The following PTPRM variants were observed in gnomAD, a reference collection of about 807,000 sequenced individuals.
The protein encoded by PTPRM is receptor-type tyrosine-protein phosphatase mu.
PTPRM carries 47 observed loss-of-function variants against 186.7 expected under a neutral mutation model. The observed-to-expected ratio is 0.25, with a 90% CI of 0.20 to 0.32. The LOEUF is 0.32. Among genes scored for constraint, PTPRM ranks in the 10% least tolerant of loss-of-function variants. PTPRM has a pLI of 1.00. For missense variants in PTPRM, 1,494 were observed against 1,865.0 expected, an observed-to-expected ratio of 0.80 and a Z score of 3.66; for synonymous variants, 668 against 674.9, an observed-to-expected ratio of 0.99 and a Z score of 0.16.
chr18:7,688,599 G>C (rs1007157557), intron 1 of PTPRM, among the ~76,000 whole-genome samples: 1 of 152,170 alleles, frequency 6.6e-6, no homozygotes, highest in Non-Finnish European at 1.5e-5. Flanking sequence ...GCATGTGATG[G>C]GGAGAGAAGA....
intron 32 of PTPRM, chr18:8,399,677 T>A (rs955115691): frequency 1.3e-5 from 2 of 152,158 alleles, no homozygotes; most frequent in African/African-American, 4.8e-5. Context: ...GTCTAGCGTT[T>A]CGTCATTCGT....
At chr18:7,824,393 G>C (rs2045371338) in intron 2 of PTPRM, among the ~76,000 whole-genome samples, 1 of 152,124 alleles carries the variant, frequency 6.6e-6, no homozygotes, top group Admixed American at 6.5e-5. Context: ...GGCAGCCCAA[G>C]AGCAGGTGGA....
At chr18:7,865,997 G>A (rs754074056) in intron 2 of PTPRM, among the ~76,000 whole-genome samples, 15 of 152,044 alleles carry the variant, frequency 9.9e-5, no homozygotes, top group Non-Finnish European at 1.5e-4. Flanking sequence ...ATTCTCTGAT[G>A]GTAGTTTGTA....
At chr18:7,753,447 C>T (rs1598515392) in intron 1 of PTPRM, among the ~76,000 whole-genome samples, 1 of 152,280 alleles carries the variant, frequency 6.6e-6, no homozygotes, top group East Asian at 1.9e-4. Context: ...TAGTTACTAT[C>T]ATTAGCTTGC....
intron 14 of PTPRM, among the ~76,000 whole-genome samples, chr18:8,150,671 A>G (rs762812080): frequency 8.6e-5 from 13 of 151,986 alleles, no homozygotes; most frequent in Non-Finnish European, 1.6e-4. Context: ...TCATTCTCCA[A>G]TCAATTTTGT....
At chr18:8,214,487 T>A (rs79077695) in intron 14 of PTPRM, among the ~76,000 whole-genome samples, 7,711 of 152,240 alleles carry the variant, frequency 0.051, 245 homozygotes, top group Non-Finnish European at 0.068. Context: ...CAAAGAACAT[T>A]TAGGTTTCAT....
chr18:8,140,120 T>G (rs552322), intron 13 of PTPRM, among the ~76,000 whole-genome samples: 145,545 of 152,276 alleles, frequency 0.96, 69,710 homozygotes, highest in East Asian at 1. Context: ...CTCCCCTCCC[T>G]TTGGGAAAGC....
intron 10 of PTPRM, among the ~76,000 whole-genome samples, chr18:8,088,376 A>T (rs1046023669): frequency 4.6e-5 from 7 of 152,234 alleles, no homozygotes; most frequent in Admixed American, 1.3e-4. Flanking sequence ...TAGCATAAAC[A>T]GTTTATTTGA....
chr18:7,958,267 C>T (rs1055144291), intron 7 of PTPRM, among the ~76,000 whole-genome samples: 3 of 151,368 alleles, frequency 2.0e-5, no homozygotes, highest in African/African-American at 4.9e-5. Flanking sequence ...AGCAAAATGC[C>T]CATATTGAAG....
intron 7 of PTPRM, among the ~76,000 whole-genome samples, chr18:8,067,649 G>C (rs181995393): frequency 2.0e-5 from 3 of 152,076 alleles, no homozygotes; most frequent in Non-Finnish European, 4.4e-5. Flanking sequence ...CAGGTAAAAA[G>C]GGGGGATTTT....
At chr18:8,328,382 CT>C (rs1162000944) in intron 22 of PTPRM, among the ~76,000 whole-genome samples, 1 of 152,048 alleles carries the variant, frequency 6.6e-6, no homozygotes, top group African/African-American at 2.4e-5. Flanking sequence ...ATTGAAAGAA[CT>C]TTTTTTTAAA....
chr18:8,032,780 A>T (rs560297286), intron 7 of PTPRM, among the ~76,000 whole-genome samples: 1 of 152,266 alleles, frequency 6.6e-6, no homozygotes, highest in Non-Finnish European at 1.5e-5. Flanking sequence ...GCGGCATTTC[A>T]TACATAGGTA....
chr18:8,114,300 C>T (rs1473145174), intron 12 of PTPRM, among the ~76,000 whole-genome samples: 1 of 152,108 alleles, frequency 6.6e-6, no homozygotes. Flanking sequence ...CCTTCCTGCT[C>T]AGACCAACCC....
At chr18:8,174,124 A>G (rs895391472) in intron 14 of PTPRM, among the ~76,000 whole-genome samples, 1 of 152,158 alleles carries the variant, frequency 6.6e-6, no homozygotes, top group African/African-American at 2.4e-5. Flanking sequence ...CACAGGAGTA[A>G]AGGGAAGTTG....
intron 19 of PTPRM, among the ~76,000 whole-genome samples, chr18:8,289,567 T>TATATATACAC (rs1568675216): frequency 2.4e-5 from 3 of 123,682 alleles, no homozygotes; most frequent in African/African-American, 1.1e-4. Flanking sequence ...TATACACATA[T>TATATATACAC]ATATATATAC....
chr18:8,320,800 T>C (rs1002903702), intron 22 of PTPRM, among the ~76,000 whole-genome samples: 4 of 152,170 alleles, frequency 2.6e-5, no homozygotes, highest in African/African-American at 9.6e-5. Context: ...CCACTGTCTT[T>C]CATCATCTAT....
intron 14 of PTPRM, among the ~76,000 whole-genome samples, chr18:8,159,808 T>G (rs1230142056): frequency 6.6e-6 from 1 of 152,174 alleles, no homozygotes; most frequent in African/African-American, 2.4e-5. Flanking sequence ...AAAATACTCT[T>G]CTTTCATGCA....
At chr18:7,575,031 C>G (rs1417413035) in intron 1 of PTPRM, among the ~76,000 whole-genome samples, 2 of 151,948 alleles carry the variant, frequency 1.3e-5, no homozygotes, top group Non-Finnish European at 1.5e-5. Context: ...GACTCCGTCT[C>G]AAAAAACAGA....
chr18:7,663,198 A>T (rs2039018247), intron 1 of PTPRM, among the ~76,000 whole-genome samples: 1 of 152,118 alleles, frequency 6.6e-6, no homozygotes, highest in African/African-American at 2.4e-5. Flanking sequence ...AAGGTCACGC[A>T]CTCACTAAGC....
Sources: gnomAD v4.1 joint callset for allele counts (sites outside exome capture counted in the v4.1 genomes callset) on GRCh38, gnomAD v4.1.1 for gene constraint, MANE v1.5 for transcripts, NCBI Gene and HGNC (gene_info 2026-07-23, HGNC 2026-07-21) for gene names.